Variants in KLHL13 observed in about 807,000 individuals in gnomAD.
KLHL13 encodes the protein kelch-like protein 13.
A neutral mutation model predicts 37.1 loss-of-function variants in KLHL13; 10 were observed. The ratio of observed to expected loss-of-function variants is 0.27; its 90% CI spans 0.17 to 0.46. The LOEUF is 0.46. KLHL13 is among the 20% of genes least tolerant of loss of function. The probability of loss-of-function intolerance (pLI) is 1.00; values close to 1 mark genes in which losing one functional copy is unlikely to be tolerated. For missense variants in KLHL13, 360 were observed against 509.3 expected, an observed-to-expected ratio of 0.71 and a Z score of 2.82; for synonymous variants, 163 against 181.2, an observed-to-expected ratio of 0.90 and a Z score of 0.81.
At chrX:118,106,303 T>C (rs954535777) in intron 1 of KLHL13, among the ~76,000 whole-genome samples, 1 of 110,853 alleles carries the variant, frequency 9.0e-6, no homozygotes, top group East Asian at 2.8e-4. Context: ...CTTAAACTCA[T>C]TGTGCATATT....
At chrX:117,934,360 A>AGTAAGGGCATTCCAGGGAGAG (rs1437908958) in intron 2 of KLHL13, among the ~76,000 whole-genome samples, 1 of 111,884 alleles carries the variant, frequency 8.9e-6, no homozygotes, top group Non-Finnish European at 1.9e-5. Context: ...GGAAAAGTGA[A>AGTAAGGGCATTCCAGGGAGAG]GTAAGGGCAT....
intron 1 of KLHL13, among the ~76,000 whole-genome samples, chrX:118,009,128 T>C (rs1477470782): frequency 9.6e-6 from 1 of 104,656 alleles, no homozygotes; most frequent in East Asian, 3.1e-4. Context: ...TTGTTTGAGT[T>C]CATTGTAGAT....
At chrX:117,920,845 C>T (rs1447021674) in intron 2 of KLHL13, among the ~76,000 whole-genome samples, 3 of 111,360 alleles carry the variant, frequency 2.7e-5, no homozygotes, top group Non-Finnish European at 5.7e-5. Flanking sequence ...ATTAAGTACA[C>T]GATAGTTCTT....
chrX:117,962,370 C>T (rs2053318293), intron 1 of KLHL13, among the ~76,000 whole-genome samples: 1 of 108,405 alleles, frequency 9.2e-6, no homozygotes, highest in African/African-American at 3.4e-5. Context: ...ATAATGTCTG[C>T]AGGAAAGTAC....
intron 1 of KLHL13, among the ~76,000 whole-genome samples, chrX:118,110,867 A>G (rs1034110542): frequency 7.1e-5 from 8 of 112,016 alleles, no homozygotes; most frequent in Non-Finnish European, 1.1e-4. Flanking sequence ...AACAAAAACT[A>G]AACTGCTCTG....
chrX:118,018,469 C>T (rs919138978), intron 1 of KLHL13, among the ~76,000 whole-genome samples: 2 of 111,662 alleles, frequency 1.8e-5, no homozygotes, highest in Admixed American at 9.6e-5. Flanking sequence ...TGAGCAATTA[C>T]TACATAGCAG....
intron 1 of KLHL13, among the ~76,000 whole-genome samples, chrX:118,069,109 T>TCACACACACACACACA (rs771534683): frequency 0.019 from 1,561 of 83,923 alleles, 39 homozygotes; most frequent in African/African-American, 0.048. Context: ...TCCAGAAGAG[T>TCACACACACACACACA]CACACACACA....
intron 1 of KLHL13, among the ~76,000 whole-genome samples, chrX:118,008,922 G>C (rs1479461234): frequency 9.0e-6 from 1 of 111,334 alleles, no homozygotes; most frequent in Non-Finnish European, 1.9e-5. Flanking sequence ...ATGCATAAAG[G>C]TTTTGTACCT....
chrX:117,957,579 A>G (rs1165473026), intron 1 of KLHL13, among the ~76,000 whole-genome samples: 1 of 112,333 alleles, frequency 8.9e-6, no homozygotes, highest in African/African-American at 3.2e-5. Context: ...GTATTTAATC[A>G]TTTTTAACAC....
chrX:118,116,855 G>A (rs2055477259), upstream of KLHL13: 1 of 93,901 alleles, frequency 1.1e-5, no homozygotes, highest in Admixed American at 1.1e-4. Flanking sequence ...GTTGGGGAGG[G>A]AGGGGGCAGT....
chrX:118,060,514 A>C (rs1398539900), intron 1 of KLHL13, among the ~76,000 whole-genome samples: 3 of 111,322 alleles, frequency 2.7e-5, no homozygotes, highest in African/African-American at 9.8e-5. Context: ...AAGAAGTATT[A>C]TTTATAGAAT....
At chrX:117,967,333 T>C (rs1394183629) in intron 1 of KLHL13, among the ~76,000 whole-genome samples, 1 of 111,888 alleles carries the variant, frequency 8.9e-6, no homozygotes, top group Non-Finnish European at 1.9e-5. Flanking sequence ...TTATCATGTA[T>C]GTTGTTTGTA....
At chrX:118,033,449 G>T (rs1215636416) in intron 1 of KLHL13, among the ~76,000 whole-genome samples, 1 of 111,222 alleles carries the variant, frequency 9.0e-6, no homozygotes, top group African/African-American at 3.3e-5. Flanking sequence ...CATTCTTAAA[G>T]AAAAGAATTT....
chrX:118,028,241 G>T (rs900811670), intron 1 of KLHL13, among the ~76,000 whole-genome samples, 183 bp downstream of exon 2: 4 of 111,047 alleles, frequency 3.6e-5, no homozygotes, highest in African/African-American at 1.3e-4. Context: ...ATTATCTCAG[G>T]AAACATTGTC....
chrX:118,112,806 G>T (rs187712731), intron 1 of KLHL13, among the ~76,000 whole-genome samples: 43 of 111,706 alleles, frequency 3.8e-4, no homozygotes, highest in African/African-American at 1.3e-3. Context: ...GAAGGGCTTA[G>T]GGCAATAAAT....
chrX:118,051,929 AC>A (rs2054618345), intron 1 of KLHL13, among the ~76,000 whole-genome samples: 1 of 111,494 alleles, frequency 9.0e-6, no homozygotes, highest in East Asian at 2.8e-4. Context: ...AGGCAAGGAA[AC>A]TTTTTCCAGT....
chrX:118,101,434 C>G (rs887974489), intron 1 of KLHL13, among the ~76,000 whole-genome samples: 1 of 111,237 alleles, frequency 9.0e-6, no homozygotes, highest in African/African-American at 3.3e-5. Context: ...GGGAGAGAGA[C>G]AGAGAAGGAA....
At chrX:118,055,608 A>C (rs1467909333) in intron 1 of KLHL13, among the ~76,000 whole-genome samples, 1 of 111,110 alleles carries the variant, frequency 9.0e-6, no homozygotes, top group Non-Finnish European at 1.9e-5. Flanking sequence ...AAGGGGTTGC[A>C]AAAAAAATTC....
intron 1 of KLHL13, among the ~76,000 whole-genome samples, chrX:118,089,985 G>A (rs556324756): frequency 9.3e-6 from 1 of 107,811 alleles, no homozygotes; most frequent in Non-Finnish European, 1.9e-5. Context: ...AGAGGCTGAG[G>A]CAGAAGAATC....
Sources: allele counts gnomAD v4.1 joint callset (sites outside exome capture counted in the v4.1 genomes callset), GRCh38; gene constraint gnomAD v4.1.1; transcripts MANE v1.5; gene names NCBI Gene and HGNC (gene_info 2026-07-23, HGNC 2026-07-21).